AXDND1: variants seen among roughly 807,000 people sequenced by gnomAD.
AXDND1 encodes the protein axonemal dynein light chain domain-containing protein 1.
In AXDND1, 110 loss-of-function variants were observed where a neutral mutation model predicts 137.5. The ratio of observed to expected loss-of-function variants is 0.80; its 90% CI spans 0.69 to 0.94. The LOEUF (loss-of-function observed/expected upper bound fraction) is 0.94, where lower values mean the gene tolerates loss of function less well. Among genes scored for constraint, AXDND1 ranks in the 40% least tolerant of loss-of-function variants. AXDND1 has a pLI of 0.00. For missense variants in AXDND1, 1,191 were observed against 1,169.8 expected, an observed-to-expected ratio of 1.02 and a Z score of -0.26; for synonymous variants, 414 against 399.7, an observed-to-expected ratio of 1.04 and a Z score of -0.43.
intron 25 of AXDND1, among the ~76,000 whole-genome samples, chr1:179,548,517 G>C (rs1356545620): frequency 1.3e-5 from 2 of 152,178 alleles, no homozygotes; most frequent in Non-Finnish European, 2.9e-5. Context: ...GAAGTGTGTT[G>C]ATGACCTCTC....
intron 25 of AXDND1, among the ~76,000 whole-genome samples, chr1:179,538,025 G>C (rs531271418): frequency 6.6e-6 from 1 of 152,292 alleles, no homozygotes; most frequent in South Asian, 2.1e-4. Context: ...ATTTCTGTGG[G>C]ATCAGCGGTG....
chr1:179,477,651 T>G (rs916223604), intron 17 of AXDND1, among the ~76,000 whole-genome samples: 10 of 152,160 alleles, frequency 6.6e-5, no homozygotes, highest in Non-Finnish European at 1.3e-4. Context: ...AAGATTTGGG[T>G]GGGGACACAG....
At chr1:179,401,502 A>C (rs1411757268) in intron 11 of AXDND1, among the ~76,000 whole-genome samples, 1 of 152,068 alleles carries the variant, frequency 6.6e-6, no homozygotes, top group African/African-American at 2.4e-5. Flanking sequence ...GTCAAGAAAA[A>C]CCAAATGTAC....
At chr1:179,456,936 T>A in intron 16 of AXDND1, 1 of 1,409,346 alleles carries the variant, frequency 7.1e-7, no homozygotes, top group Non-Finnish European at 9.9e-7. Flanking sequence ...ATGATTTCAA[T>A]CACTTCATTT....
intron 17 of AXDND1, among the ~76,000 whole-genome samples, chr1:179,472,965 T>C (rs1199210514): frequency 6.6e-6 from 1 of 152,156 alleles, no homozygotes; most frequent in African/African-American, 2.4e-5. Context: ...TGACAATCTC[T>C]GCCTTTTAAT....
At position 179,554,497 on chromosome 1, in the gene AXDND1, A is replaced by T; in HGVS notation, c.3032-15A>T. The T allele has an allele frequency of 6.2e-7, 1 of 1,614,148 alleles. No individual in the cohort carries two copies. The highest frequency in any genetic ancestry group is 8.5e-7 in the Non-Finnish European group (1 of 1,180,012). ...CCACATTTCTATTCTCTCCACTTTGATTCCCCAAATACAGGTCACTGAATC... is the reference window on the plus strand; with the variant it reads ...CCACATTTCTATTCTCTCCACTTTGTTTCCCCAAATACAGGTCACTGAATC... On this transcript the variant is annotated splice_polypyrimidine_tract_variant and intron_variant, in intron 25 of 25. Transcript: ENST00000367618.
At chr1:179,421,367 C>CTT (rs199703017) in intron 12 of AXDND1, among the ~76,000 whole-genome samples, 54 of 107,220 alleles carry the variant, frequency 5.0e-4, no homozygotes, top group African/African-American at 9.9e-4. Context: ...TTTTCTTTTC[C>CTT]TTTTTTTTTT....
intron 21 of AXDND1, among the ~76,000 whole-genome samples, chr1:179,514,890 C>T (rs552897315): frequency 1.1e-4 from 17 of 152,234 alleles, no homozygotes; most frequent in African/African-American, 3.1e-4. Flanking sequence ...TACCCCTGCT[C>T]GCTTTTGGTG....
In AXDND1 at chr1:179,366,428, C is replaced by A; in HGVS notation, c.-82C>A. 1 of 1,086,246 alleles carries A rather than the reference C, an allele frequency of 9.2e-7. No homozygotes were observed. Among genetic ancestry groups the A allele is most frequent in the Non-Finnish European group, 1.4e-6 (1 of 710,716 alleles). The allele number at this position is 1,086,246 out of a possible 1,614,324, so 67.3% of individuals were successfully genotyped here. ...GGACTATGTGGCAGCCTGCAAGTCCCAGTGCGGCGCTGATTTGTGTCTAAA... is the reference window on the plus strand; with the variant it reads ...GGACTATGTGGCAGCCTGCAAGTCCAAGTGCGGCGCTGATTTGTGTCTAAA... On this transcript the variant is annotated 5_prime_UTR_variant, in exon 2 of 26. Coordinates refer to ENST00000367618, the MANE Select transcript of AXDND1 (RefSeq NM_144696.6).
At chr1:179,503,332 C>T (rs560148455) in intron 20 of AXDND1, among the ~76,000 whole-genome samples, 1 of 151,906 alleles carries the variant, frequency 6.6e-6, no homozygotes, top group Non-Finnish European at 1.5e-5. Flanking sequence ...TGTTTAAAAA[C>T]TTTTATGTTA....
intron 15 of AXDND1, among the ~76,000 whole-genome samples, chr1:179,438,340 T>C (rs2125339379): frequency 6.6e-6 from 1 of 152,320 alleles, no homozygotes; most frequent in Middle Eastern, 3.4e-3. Flanking sequence ...GCAAGCTTTG[T>C]ACTTGTTCCC....
In AXDND1 at chr1:179,462,470, G is replaced by A. The variant is rs573253495; in HGVS notation, c.1799-5973G>A. ...TGCCAGTATTTTATTGAGGATTTTT[G>A]CATCGATGTTATCAGGGATATTGGT... On this transcript the variant is annotated intron_variant, in intron 16 of 25. Coordinates refer to ENST00000367618, the MANE Select transcript of AXDND1 (RefSeq NM_144696.6). Among the ~76,000 whole-genome samples the A allele has an allele frequency of 8.9e-5, 13 of 146,222 alleles. No individual in the cohort carries two copies. In the South Asian group the frequency reaches 2.9e-3, roughly 32 times the overall value.
intron 20 of AXDND1, among the ~76,000 whole-genome samples, chr1:179,495,758 A>G (rs1572078547): frequency 1.3e-5 from 2 of 151,918 alleles, no homozygotes; most frequent in Non-Finnish European, 2.9e-5. Flanking sequence ...ATGAGAGCAG[A>G]TATCCTTGCC....
intron 20 of AXDND1, among the ~76,000 whole-genome samples, chr1:179,502,289 G>C (rs1668068709): frequency 6.6e-6 from 1 of 152,202 alleles, no homozygotes; most frequent in African/African-American, 2.4e-5. Flanking sequence ...TCTAGGCCGA[G>C]TGTGGTGGCT....
chr1:179,482,425 G>T (rs1425564421), intron 17 of AXDND1, among the ~76,000 whole-genome samples: 1 of 152,064 alleles, frequency 6.6e-6, no homozygotes, highest in Non-Finnish European at 1.5e-5. Context: ...CATTTACCCA[G>T]TACCTAGACT....
At chr1:179,518,657 G>A (rs1180710407) in intron 21 of AXDND1, among the ~76,000 whole-genome samples, 1 of 152,102 alleles carries the variant, frequency 6.6e-6, no homozygotes, top group Non-Finnish European at 1.5e-5. Context: ...TTCTCTTCCT[G>A]TGTTAGTTTG....
intron 25 of AXDND1, among the ~76,000 whole-genome samples, chr1:179,540,456 G>T (rs1403418843): frequency 1.3e-5 from 2 of 152,158 alleles, no homozygotes; most frequent in Non-Finnish European, 2.9e-5. Flanking sequence ...TCCTTCAGCT[G>T]CAAGTCTGTT....
intron 7 of AXDND1, among the ~76,000 whole-genome samples, 164 bp downstream of exon 7, chr1:179,382,920 G>A (rs907049226): frequency 1.3e-5 from 2 of 151,874 alleles, no homozygotes; most frequent in African/African-American, 4.8e-5. Flanking sequence ...TTTTACAATT[G>A]TATATTCAAT....
At chr1:179,458,051 A>G (rs1326545600) in intron 16 of AXDND1, among the ~76,000 whole-genome samples, 4 of 143,924 alleles carry the variant, frequency 2.8e-5, no homozygotes, top group African/African-American at 7.9e-5. Context: ...GTGTAGTGGT[A>G]TGATCATGGC....
Sources: allele counts gnomAD v4.1 joint callset (sites outside exome capture counted in the v4.1 genomes callset), GRCh38; gene constraint gnomAD v4.1.1; transcripts MANE v1.5; gene names NCBI Gene and HGNC (gene_info 2026-07-23, HGNC 2026-07-21).